MIB1: variants seen among roughly 807,000 people sequenced by gnomAD.
MIB1 encodes the protein MIB E3 ubiquitin protein ligase 1, also known as E3 ubiquitin-protein ligase MIB1.
Under a neutral mutation model 124.5 loss-of-function variants are expected in MIB1, and 278 were observed. The observed-to-expected ratio is 2.23, with a 90% CI of 2.02 to 2.47. The LOEUF is 2.47. MIB1 is among the 30% of genes most tolerant of loss of function. The pLI is 0.00. For missense variants in MIB1, 957 were observed against 1,254.4 expected (o/e 0.76, Z 3.58); for synonymous variants, 446 against 429.4 (o/e 1.04, Z -0.48).
chr18:21,800,763 C>T, intron 9 of MIB1, among the ~76,000 whole-genome samples: 1 of 152,024 alleles, frequency 6.6e-6, no homozygotes, highest in East Asian at 1.9e-4. Context: ...GTATTAATGT[C>T]TTATTTCTCC....
chr18:21,789,710 G>A (rs935470189), intron 6 of MIB1, among the ~76,000 whole-genome samples: 5 of 152,072 alleles, frequency 3.3e-5, no homozygotes, highest in Non-Finnish European at 7.4e-5. Context: ...CCAGCTACTT[G>A]GGAGACTGAG....
At chr18:21,828,817 C>T in intron 12 of MIB1, 1 of 184,298 alleles carries the variant, frequency 5.4e-6, no homozygotes, top group Non-Finnish European at 1.2e-5. Context: ...TCTTCTTTTC[C>T]TTCATGAAAT....
Position 21,815,861 on chromosome 18 carries a change from TTAAAGGGAAA to T in MIB1, c.1677+49_1677+58del, listed in dbSNP as rs749470538. ...TCCTGCAGGTATTGCTAGGATCCTA[TTAAAGGGAAA>T]CATTAAGTTCTATGGTAAGCATTCC... On this transcript the variant is annotated intron_variant, in intron 11 of 20. Coordinates refer to ENST00000261537, the MANE Select transcript of MIB1 (RefSeq NM_020774.4). The T allele has an allele frequency of 5.3e-5, 81 of 1,522,028 alleles. No homozygotes were observed. The East Asian group carries it at 1.8e-3, about 34-fold the overall frequency. 94.3% of individuals were successfully genotyped at this position (1,522,028 alleles called of 1,614,324 possible).
At chr18:21,850,376 T>A (rs2146512409) in intron 17 of MIB1, among the ~76,000 whole-genome samples, 1 of 152,264 alleles carries the variant, frequency 6.6e-6, no homozygotes, top group Admixed American at 6.5e-5. Context: ...CTTTTTATAA[T>A]CTTTATTTCT....
chr18:21,792,352 A>T (rs964639597), intron 7 of MIB1, among the ~76,000 whole-genome samples: 1 of 151,450 alleles, frequency 6.6e-6, no homozygotes, highest in Non-Finnish European at 1.5e-5. Context: ...TTAGTATCCT[A>T]TTACCCCCAC....
rs1415389466 is a variant in MIB1 at position 21,825,594 on chromosome 18, C to T, written c.1829+5948C>T. ...CTTTTCCAGGTAGAATTAACAGTAA[C>T]AAGTTATTTGATTATAATCACAGTC... On this transcript the variant is annotated intron_variant, in intron 12 of 20. Transcript: ENST00000261537. 18 of 449,700 alleles carry T rather than the reference C, an allele frequency of 4.0e-5. 1 individual carries two copies. The highest frequency in any genetic ancestry group is 8.2e-5 in the Non-Finnish European group (18 of 218,746). 27.9% of individuals were successfully genotyped at this position (449,700 alleles called of 1,614,324 possible).
intron 1 of MIB1, among the ~76,000 whole-genome samples, chr18:21,745,606 CA>C (rs1425930454): frequency 6.6e-6 from 1 of 151,752 alleles, no homozygotes; most frequent in African/African-American, 2.4e-5. Context: ...GGAAGTACAC[CA>C]GGGGCATTTA....
intron 1 of MIB1, among the ~76,000 whole-genome samples, chr18:21,713,074 C>T (rs1284657582): frequency 6.6e-6 from 1 of 152,138 alleles, no homozygotes; most frequent in Non-Finnish European, 1.5e-5. Context: ...CCTCCCCACT[C>T]AGCCTCCTGA....
chr18:21,854,011 TTA>T (rs1491422692), intron 18 of MIB1, among the ~76,000 whole-genome samples: 7 of 42,342 alleles, frequency 1.7e-4, no homozygotes, highest in African/African-American at 5.0e-4. Context: ...AGACTCAGTC[TTA>T]AAAAAAAAAA....
At chr18:21,835,627 C>T (rs537748097) in intron 12 of MIB1, among the ~76,000 whole-genome samples, 4 of 151,580 alleles carry the variant, frequency 2.6e-5, no homozygotes, top group East Asian at 2.0e-4. Context: ...AAAAATTAGC[C>T]GGGCCTGGTG....
chr18:21,759,887 A>G (rs1272995621), intron 1 of MIB1, among the ~76,000 whole-genome samples: 2 of 152,172 alleles, frequency 1.3e-5, no homozygotes, highest in Non-Finnish European at 2.9e-5. Context: ...TGAAGAATGT[A>G]GTTATTGATC....
intron 12 of MIB1, among the ~76,000 whole-genome samples, chr18:21,836,288 T>G (rs1382417508): frequency 6.6e-6 from 1 of 151,522 alleles, no homozygotes; most frequent in East Asian, 1.9e-4. Flanking sequence ...TTTTTTTTTT[T>G]TTTGAGATGG....
At chr18:21,776,453 A>G (rs751535909) in intron 4 of MIB1, among the ~76,000 whole-genome samples, 2 of 152,110 alleles carry the variant, frequency 1.3e-5, no homozygotes, top group Non-Finnish European at 2.9e-5. Flanking sequence ...CCTTTCCTTG[A>G]TAGGGTAAGA....
At chr18:21,856,787 T>C (rs1202255155) in intron 18 of MIB1, among the ~76,000 whole-genome samples, 1 of 152,248 alleles carries the variant, frequency 6.6e-6, no homozygotes, top group Non-Finnish European at 1.5e-5. Context: ...CTAGTATTAG[T>C]TGACATTTGT....
chr18:21,852,011 A>G (rs138619789), intron 17 of MIB1, among the ~76,000 whole-genome samples: 119 of 152,310 alleles, frequency 7.8e-4, no homozygotes, highest in Admixed American at 2.7e-3. Context: ...TAGAAAGGAG[A>G]AGATAATTAT....
intron 17 of MIB1, among the ~76,000 whole-genome samples, chr18:21,850,859 C>T (rs1047739898): frequency 2.6e-5 from 4 of 152,094 alleles, no homozygotes; most frequent in African/African-American, 9.7e-5. Context: ...AAAATTTAAG[C>T]CATTCTTTTG....
chr18:21,854,596 CTTTTTTTTTTTTTT>C lies in MIB1; in HGVS notation c.2665+1389_2665+1402del, dbSNP rs34762697. 120 of 116,322 alleles carry C rather than the reference CTTTTTTTTTTTTTT, an allele frequency of 1.0e-3. 4 individuals are homozygous for C. In the East Asian group the frequency reaches 0.012, roughly 12 times the overall value. The allele number at this position is 116,322 out of a possible 1,614,324, so 7.2% of individuals were successfully genotyped here. A position where few individuals can be genotyped will look rare whatever the true frequency, so the allele number is the denominator to read the frequency against. On this transcript the variant is annotated intron_variant, in intron 18 of 20. Coordinates refer to ENST00000261537, the MANE Select transcript of MIB1 (RefSeq NM_020774.4). Reference sequence around the variant, plus strand: ...AGAATTTTTTACATGGCGTTTGCTCCTTTTTTTTTTTTTTTTTTTTTTTTAATTAAAAAAGCTTC... The same window carrying C: ...AGAATTTTTTACATGGCGTTTGCTCCTTTTTTTTTTAATTAAAAAAGCTTC...
At position 21,741,370 on chromosome 18, in the gene MIB1, C is replaced by G; in HGVS notation, c.-214C>G. On this transcript the variant is annotated 5_prime_UTR_variant, in exon 1 of 21. Coordinates refer to ENST00000261537, the MANE Select transcript of MIB1 (RefSeq NM_020774.4). The surrounding 1 kb of genome is among the most constrained non-coding windows in gnomAD (Gnocchi z 5.4). ...AGCAGCCGCGGGCCGCCCTCCACTC[C>G]GAGCGGGGGGCGCGGCGGCGACAGC... 1 of 204,784 alleles carries G rather than the reference C, an allele frequency of 4.9e-6. No individual in the cohort carries two copies. Among genetic ancestry groups the G allele is most frequent in the Non-Finnish European group, 9.6e-6 (1 of 104,616 alleles). 12.7% of individuals were successfully genotyped at this position (204,784 alleles called of 1,614,324 possible). A position where few individuals can be genotyped will look rare whatever the true frequency, so the allele number is the denominator to read the frequency against.
At chr18:21,745,327 G>A (rs1336252902) in intron 1 of MIB1, among the ~76,000 whole-genome samples, 7 of 152,148 alleles carry the variant, frequency 4.6e-5, no homozygotes, top group African/African-American at 1.7e-4. Flanking sequence ...ATAATTTTTT[G>A]TTATAGGAAT....
Sources: allele counts gnomAD v4.1 joint callset (sites outside exome capture counted in the v4.1 genomes callset), GRCh38; gene constraint gnomAD v4.1.1; non-coding constraint Gnocchi (gnomAD v3.1); transcripts MANE v1.5; gene names NCBI Gene and HGNC (gene_info 2026-07-23, HGNC 2026-07-21).